The following SMC5 variants were observed in gnomAD, a reference collection of about 807,000 sequenced individuals.
SMC5 encodes the protein structural maintenance of chromosomes 5, also known as structural maintenance of chromosomes protein 5.
A neutral mutation model predicts 148.3 loss-of-function variants in SMC5; 88 were observed. That is an observed-to-expected ratio of 0.59 (90% CI 0.50 to 0.71). The LOEUF (loss-of-function observed/expected upper bound fraction) is 0.71, where lower values mean the gene tolerates loss of function less well. Ranked by LOEUF, SMC5 falls within the 30% of genes least tolerant of loss-of-function variation. SMC5 has a pLI of 0.00. For synonymous variants in SMC5, 421 were observed against 432.8 expected (o/e 0.97, Z 0.34); for missense variants, 1,142 against 1,298.9 (o/e 0.88, Z 1.86).
Position 70,346,442 on chromosome 9 carries a change from C to G in SMC5, c.2524-163C>G. ...AAAAAAGTATATGTTCTAATTTGTC[C>G]CCATGGCATGGACTCAGAAGATAGT... is the stretch of plus-strand genomic sequence containing the variant. On this transcript the variant is annotated intron_variant, in intron 18 of 24. Coordinates refer to ENST00000361138, the MANE Select transcript of SMC5 (RefSeq NM_015110.4). 6.9e-6 allele frequency: 5 copies of G among 721,438 alleles called. No homozygotes were observed. The South Asian group carries it at 9.1e-5, about 13-fold the overall frequency. The allele number at this position is 721,438 out of a possible 1,614,324, so 44.7% of individuals were successfully genotyped here.
At chr9:70,330,352 G>C (rs1293341584) in intron 17 of SMC5, among the ~76,000 whole-genome samples, 1 of 152,006 alleles carries the variant, frequency 6.6e-6, no homozygotes, top group East Asian at 1.9e-4. Flanking sequence ...GCCCCCTGGG[G>C]AGCAAAAGTA....
Position 70,297,967 on chromosome 9 carries a change from T to C in SMC5, c.1055T>C (p.Ile352Thr). 6.2e-7 allele frequency: 1 copy of C among 1,610,514 alleles called. No individual in the cohort carries two copies. The highest frequency in any genetic ancestry group is 8.5e-7 in the Non-Finnish European group (1 of 1,179,062). Residue 352 changes from isoleucine (I) to threonine (T), a missense_variant and splice_region_variant, in exon 9 of 25, where the codon ATT becomes ACT. Ile to Thr is a moderately conservative substitution (Grantham distance 89, BLOSUM62 -1). This residue lies in a region of SMC5 where 743 missense variants were observed against 835.7 expected (regional missense o/e 0.89). Transcript: ENST00000361138. ...QDVIERKDKH[I>T]EELQQALIVK... ...ACTAACCTACTTTTGTTTTATTAGA[T>C]TGAGGAACTTCAGCAGGCTTTAATA...
chr9:70,307,705 T>C (rs181483178), intron 11 of SMC5, among the ~76,000 whole-genome samples: 8 of 152,236 alleles, frequency 5.3e-5, no homozygotes, highest in African/African-American at 1.9e-4. Context: ...GGTTTCACCA[T>C]GTTGACCAGG....
chr9:70,259,174 G>A lies in SMC5; in HGVS notation c.96G>A (p.Arg32=). ...CTTCGTCGGAGGTCCCGAGCAAGAG[G>A]AAGAATTCGGCCCCGCAGCTGCCGC... is the stretch of plus-strand genomic sequence containing the variant. ...RDPSSEVPSK[R]KNSAPQLPLL... Residue 32 remains arginine (R), a synonymous_variant, in exon 1 of 25, where the codon AGG becomes AGA. Transcript: ENST00000361138. 1 of 1,611,020 alleles carries A rather than the reference G, an allele frequency of 6.2e-7. No individual in the cohort carries two copies. The highest frequency in any genetic ancestry group is 2.2e-5 in the East Asian group (1 of 44,774).
chr9:70,349,622 C>T (rs1048650495), intron 22 of SMC5, among the ~76,000 whole-genome samples: 7 of 152,014 alleles, frequency 4.6e-5, no homozygotes, highest in Non-Finnish European at 8.8e-5. Flanking sequence ...CCTTCTTAAC[C>T]GACTGAAGAA....
At chr9:70,340,808 T>C (rs2036500585) in intron 17 of SMC5, among the ~76,000 whole-genome samples, 1 of 152,182 alleles carries the variant, frequency 6.6e-6, no homozygotes, top group Non-Finnish European at 1.5e-5. Flanking sequence ...TTTTCTTGTT[T>C]AATGTCGAGG....
At chr9:70,321,362 G>A (rs1373457429) in intron 15 of SMC5, among the ~76,000 whole-genome samples, 1 of 150,800 alleles carries the variant, frequency 6.6e-6, no homozygotes, top group Non-Finnish European at 1.5e-5. Context: ...ACAGAATTCT[G>A]TACAAAATGT....
At chr9:70,348,144 G>C in intron 22 of SMC5, 106 bp downstream of exon 22, 1 of 1,118,426 alleles carries the variant, frequency 8.9e-7, no homozygotes, top group South Asian at 2.1e-5. Flanking sequence ...TCTGTGAAAA[G>C]TTTTGTTTAC....
chr9:70,298,111 T>C lies in SMC5; in HGVS notation c.1199T>C (p.Ile400Thr), dbSNP rs775971596. ...TENCENLQPQ[I>T]DAITNDLRRI... ...AACTGCGAGAATCTTCAGCCCCAGATTGATGCCATTACAAATGATCTGAGA... is the reference window on the plus strand; with the variant it reads ...AACTGCGAGAATCTTCAGCCCCAGACTGATGCCATTACAAATGATCTGAGA... The change falls in exon 9 of 25, where the codon ATT (isoleucine) becomes ACT (threonine). Residue 400 changes from isoleucine (I) to threonine (T), a missense_variant. Transcript: ENST00000361138. The C allele has an allele frequency of 5.6e-6, 9 of 1,614,026 alleles. No homozygotes were observed. In the South Asian group the frequency reaches 6.6e-5, roughly 12 times the overall value.
chr9:70,332,608 C>T (rs1325164984), intron 17 of SMC5, among the ~76,000 whole-genome samples: 1 of 151,228 alleles, frequency 6.6e-6, no homozygotes, highest in East Asian at 1.9e-4. Flanking sequence ...CTTCTTGAAG[C>T]ATTATATGAG....
At chr9:70,349,992 AAAC>A (rs1374245947) in intron 22 of SMC5, 119 bp from the exon 23 acceptor site, 20 of 526,456 alleles carry the variant, frequency 3.8e-5, no homozygotes, top group Non-Finnish European at 5.8e-5. Context: ...TTACATATTT[AAAC>A]TAGTGTCACT....
intron 13 of SMC5, among the ~76,000 whole-genome samples, chr9:70,317,848 A>G (rs2035842530): frequency 6.6e-6 from 1 of 152,232 alleles, no homozygotes. Flanking sequence ...TATTCTTCCC[A>G]AATATACAGG....
At chr9:70,290,229 A>T (rs2035021898) in intron 8 of SMC5, among the ~76,000 whole-genome samples, 1 of 152,206 alleles carries the variant, frequency 6.6e-6, no homozygotes, top group South Asian at 2.1e-4. Context: ...GAAAGGAGAA[A>T]TAAAGAGTTC....
chr9:70,299,916 C>T, intron 9 of SMC5, 130 bp from the exon 10 acceptor site: 2 of 665,868 alleles, frequency 3.0e-6, no homozygotes, highest in Non-Finnish European at 4.6e-6. Context: ...ATATTTTCCA[C>T]TATGGGAGTT....
Position 70,315,573 on chromosome 9 carries a change from G to A in SMC5, c.1801G>A (p.Glu601Lys). The A allele has an allele frequency of 1.9e-6, 3 of 1,572,002 alleles. No individual in the cohort carries two copies. The highest frequency in any genetic ancestry group is 2.6e-6 in the Non-Finnish European group (3 of 1,158,714). The stretch of plus-strand genomic sequence containing the variant: ...AACTGAAAAGACCAGAGAAAGAATT[G>A]AACGGGTAGGAAAGTAGTGAATCAT... The part of the protein sequence containing the change: ...VGTEKTRERI[E>K]RVIQETRLKQ... The change falls in exon 13 of 25, where the codon GAA (glutamate) becomes AAA (lysine). Residue 601 changes from glutamate to lysine, a missense_variant. Glu to Lys is a moderately conservative substitution (Grantham distance 56). Around this residue, in one of 5 missense-constraint regions of SMC5, gnomAD observed 743 missense variants for 835.7 expected, o/e 0.89. Coordinates refer to ENST00000361138, the MANE Select transcript of SMC5 (RefSeq NM_015110.4).
At chr9:70,272,652 A>G (rs1025489029) in intron 3 of SMC5, among the ~76,000 whole-genome samples, 4 of 152,212 alleles carry the variant, frequency 2.6e-5, no homozygotes, top group Admixed American at 1.3e-4. Flanking sequence ...AGATAAACAC[A>G]TTTGGGAAAT....
In SMC5 at chr9:70,291,251, C is replaced by G. The variant is rs1176392509; in HGVS notation, c.1053+4980C>G. On this transcript the variant is annotated intron_variant, in intron 8 of 24. Coordinates refer to ENST00000361138, the MANE Select transcript of SMC5 (RefSeq NM_015110.4). Reference sequence around the variant, plus strand: ...AAATGCCTGTAACCCATATGTTTCCCAGTCTTTGTTGAGGATCTCTGTGTA... The same window carrying G: ...AAATGCCTGTAACCCATATGTTTCCGAGTCTTTGTTGAGGATCTCTGTGTA... Among the ~76,000 whole-genome samples, 3 of 152,152 alleles carry G rather than the reference C, an allele frequency of 2.0e-5. No homozygotes were observed. The East Asian group carries it at 5.8e-4, about 29-fold the overall frequency.
At chr9:70,331,623 G>A (rs2036221805) in intron 17 of SMC5, among the ~76,000 whole-genome samples, 1 of 152,050 alleles carries the variant, frequency 6.6e-6, no homozygotes, top group Non-Finnish European at 1.5e-5. Flanking sequence ...TAGGAAGGGA[G>A]TATACATGAA....
At chr9:70,348,680 G>T (rs141984642) in intron 22 of SMC5, among the ~76,000 whole-genome samples, 1 of 150,972 alleles carries the variant, frequency 6.6e-6, no homozygotes, top group East Asian at 1.9e-4. Context: ...AACAAAACCA[G>T]ACCTTGTCTC....
Sources: gnomAD v4.1 joint callset for allele counts (sites outside exome capture counted in the v4.1 genomes callset) on GRCh38, gnomAD v4.1.1 for gene constraint, gnomAD v4.1.1 regional missense constraint, MANE v1.5 for transcripts, NCBI Gene and HGNC (gene_info 2026-07-23, HGNC 2026-07-21) for gene names.